CFAP206: variants seen among roughly 807,000 people sequenced by gnomAD.
CFAP206 encodes the protein cilia- and flagella-associated protein 206.
CFAP206 carries 53 observed loss-of-function variants against 65.4 expected under a neutral mutation model. That is an observed-to-expected ratio of 0.81 (90% CI 0.65 to 1.02). The LOEUF (loss-of-function observed/expected upper bound fraction) is 1.02, where lower values mean the gene tolerates loss of function less well. Among genes scored for constraint, CFAP206 ranks in the 50% least tolerant of loss-of-function variants. The probability of loss-of-function intolerance (pLI) is 0.00; values close to 1 mark genes in which losing one functional copy is unlikely to be tolerated. For missense variants in CFAP206, 663 were observed against 753.2 expected (o/e 0.88, Z 1.40); for synonymous variants, 250 against 254.4 (o/e 0.98, Z 0.17).
At chr6:87,446,075 TAA>T (rs1313149700) in intron 11 of CFAP206, among the ~76,000 whole-genome samples, 1 of 152,246 alleles carries the variant, frequency 6.6e-6, no homozygotes, top group Non-Finnish European at 1.5e-5. Context: ...CAAATTTGTT[TAA>T]GTTCCTTATA....
intron 7 of CFAP206, among the ~76,000 whole-genome samples, chr6:87,419,601 G>A (rs1449977532): frequency 6.6e-6 from 1 of 152,090 alleles, no homozygotes; most frequent in Non-Finnish European, 1.5e-5. Context: ...TGAGATTCTC[G>A]GTTAGTGGAA....
chr6:87,428,630 T>G lies in CFAP206; in HGVS notation c.965T>G (p.Ile322Ser). 1 of 1,614,028 alleles carries G rather than the reference T, an allele frequency of 6.2e-7. No homozygotes were observed. Among genetic ancestry groups the G allele is most frequent in the Non-Finnish European group, 8.5e-7 (1 of 1,179,912 alleles). ...TATTTTTTTTCTCTTCCTCAGCCTA[T>G]CTTCATTGCACTTTCTACTCTGTGG... ...IAVPTSQVFP[I>S]FIALSTLWTS... Residue 322 changes from isoleucine to serine, a missense_variant, in exon 9 of 13, where the codon ATC becomes AGC. Coordinates refer to ENST00000369562, the MANE Select transcript of CFAP206 (RefSeq NM_001031743.3).
chr6:87,434,956 A>T lies in CFAP206; in HGVS notation c.1397A>T (p.Tyr466Phe). 6.3e-7 allele frequency: 1 copy of T among 1,588,198 alleles called. No homozygotes were observed. The change falls in exon 11 of 13, where the codon TAT becomes TTT. Residue 466 changes from tyrosine (Y) to phenylalanine (F), a missense_variant. Coordinates refer to ENST00000369562, the MANE Select transcript of CFAP206 (RefSeq NM_001031743.3). ...TCATTTGCAGAAAATCCTGAACATT[A>T]TATTGACATAGTTAGAGAAAAGGCC... ...AYSFAENPEH[Y>F]IDIVREKAKK...
At chr6:87,419,392 CAGAT>C (rs1767899828) in intron 7 of CFAP206, among the ~76,000 whole-genome samples, 3 of 152,130 alleles carry the variant, frequency 2.0e-5, no homozygotes, top group African/African-American at 7.2e-5. Flanking sequence ...ACCTTTCTGT[CAGAT>C]AGAAACTTAC....
At chr6:87,458,385 C>T (rs945447522) in intron 11 of CFAP206, among the ~76,000 whole-genome samples, 29 of 152,148 alleles carry the variant, frequency 1.9e-4, no homozygotes, top group Non-Finnish European at 3.5e-4. Context: ...TATTACAGCA[C>T]TATCCACAGT....
Position 87,409,938 on chromosome 6 carries a change from T to C in CFAP206, c.99T>C (p.Ile33=). The C allele has an allele frequency of 6.2e-7, 1 of 1,605,558 alleles. No individual in the cohort carries two copies. The highest frequency in any genetic ancestry group is 2.2e-5 in the East Asian group (1 of 44,734). ...AHGEIVSETL[I]AFMVKAVVLD... is the part of the protein sequence containing the mutation. ...GAGAGATTGTTTCTGAAACTCTGAT[T>C]GCTTTTATGGTAAGAAGAAATATTT... The change falls in exon 2 of 13, where the codon ATT becomes ATC. Residue 33 remains isoleucine (I), a synonymous_variant. Transcript: ENST00000369562.
rs753221018 is a variant in CFAP206, at chr6:87,409,933, CTGAT to C, written c.97_100del (p.Ile33LeufsTer4). On this transcript the variant is annotated frameshift_variant, in exon 2 of 13. Coordinates refer to ENST00000369562, the MANE Select transcript of CFAP206 (RefSeq NM_001031743.3). LOFTEE classifies it high-confidence loss of function. Reference sequence around the variant, plus strand: ...CCATGGAGAGATTGTTTCTGAAACTCTGATTGCTTTTATGGTAAGAAGAAATATT... The same window carrying C: ...CCATGGAGAGATTGTTTCTGAAACTCTGCTTTTATGGTAAGAAGAAATATT... 6.2e-7 allele frequency: 1 copy of C among 1,607,606 alleles called. No homozygotes were observed. Among genetic ancestry groups the C allele is most frequent in the Non-Finnish European group, 8.5e-7 (1 of 1,175,710 alleles).
At chr6:87,461,922 A>T (rs896067370) in intron 12 of CFAP206, among the ~76,000 whole-genome samples, 1 of 152,166 alleles carries the variant, frequency 6.6e-6, no homozygotes. Context: ...TTATAGTCAG[A>T]AAAGGGGGAA....
At chr6:87,439,902 C>T (rs927612303) in intron 11 of CFAP206, among the ~76,000 whole-genome samples, 8 of 152,058 alleles carry the variant, frequency 5.3e-5, no homozygotes, top group Non-Finnish European at 8.8e-5. Flanking sequence ...ATACTGATAT[C>T]TTCAATAGCT....
intron 8 of CFAP206, 51 bp from the exon 9 acceptor site, chr6:87,428,575 T>G (rs565388337): frequency 6.7e-7 from 1 of 1,497,256 alleles, no homozygotes; most frequent in African/African-American, 1.4e-5. Flanking sequence ...TACAGTGATT[T>G]ATAATTTTAT....
chr6:87,414,191 A>G (rs1340692355), intron 4 of CFAP206, among the ~76,000 whole-genome samples: 11 of 152,252 alleles, frequency 7.2e-5, no homozygotes, highest in Admixed American at 3.3e-4. Context: ...TTTTTAATTT[A>G]TAGATTTTCT....
chr6:87,418,801 A>G (rs904526148), intron 7 of CFAP206, among the ~76,000 whole-genome samples: 1 of 150,618 alleles, frequency 6.6e-6, no homozygotes, highest in African/African-American at 2.5e-5. Context: ...AACAACTGGT[A>G]CAAAATATTT....
intron 8 of CFAP206, among the ~76,000 whole-genome samples, chr6:87,427,040 C>T (rs749300983): frequency 6.6e-6 from 1 of 152,210 alleles, no homozygotes; most frequent in Non-Finnish European, 1.5e-5. Flanking sequence ...CCTGCACTTA[C>T]ATTGAGTTTC....
At chr6:87,461,954 G>A (rs1478469064) in intron 12 of CFAP206, among the ~76,000 whole-genome samples, 1 of 152,182 alleles carries the variant, frequency 6.6e-6, no homozygotes, top group Non-Finnish European at 1.5e-5. Flanking sequence ...TTCTCTGATT[G>A]TAGTTTGTTA....
chr6:87,423,361 G>T (rs1562245470), intron 7 of CFAP206, among the ~76,000 whole-genome samples: 1 of 150,898 alleles, frequency 6.6e-6, no homozygotes, highest in Non-Finnish European at 1.5e-5. Flanking sequence ...CCATTCTCCT[G>T]CCTCAGCCTC....
At chr6:87,452,776 TAGTC>T (rs1768567718) in intron 11 of CFAP206, among the ~76,000 whole-genome samples, 1 of 151,806 alleles carries the variant, frequency 6.6e-6, no homozygotes, top group Non-Finnish European at 1.5e-5. Flanking sequence ...TGAAAATACA[TAGTC>T]AGAGGAGTCA....
At chr6:87,411,616 T>C (rs368075556) in intron 3 of CFAP206, among the ~76,000 whole-genome samples, 1 of 140,942 alleles carries the variant, frequency 7.1e-6, no homozygotes, top group African/African-American at 2.5e-5. Context: ...GCCCCCTAGG[T>C]TTTTTTCTGT....
chr6:87,451,409 C>A (rs113793862), intron 11 of CFAP206, among the ~76,000 whole-genome samples: 1,670 of 152,176 alleles, frequency 0.011, 37 homozygotes, highest in African/African-American at 0.038. Context: ...CATTTCTAGA[C>A]CCACCCTGGG....
At chr6:87,423,062 A>C (rs1245747111) in intron 7 of CFAP206, among the ~76,000 whole-genome samples, 2 of 151,450 alleles carry the variant, frequency 1.3e-5, no homozygotes, top group Non-Finnish European at 2.9e-5. Flanking sequence ...GACTACAGAC[A>C]CGCGCCACCA....
Sources: allele counts gnomAD v4.1 joint callset (sites outside exome capture counted in the v4.1 genomes callset), GRCh38; gene constraint gnomAD v4.1.1; transcripts MANE v1.5; gene names NCBI Gene and HGNC (gene_info 2026-07-23, HGNC 2026-07-21).